PRKN: variants seen among roughly 807,000 people sequenced by gnomAD.
PRKN encodes E3 ubiquitin-protein ligase parkin.
PRKN carries 56 observed loss-of-function variants against 59.5 expected under a neutral mutation model. The ratio of observed to expected loss-of-function variants is 0.94; its 90% confidence interval spans 0.76 to 1.18. The LOEUF is 1.18. PRKN is among the 50% of genes most tolerant of loss of function. PRKN has a pLI of 0.00. For synonymous variants in PRKN, 250 were observed against 222.1 expected, an observed-to-expected ratio of 1.13 and a Z score of -1.12; for missense variants, 657 against 596.4, an observed-to-expected ratio of 1.10 and a Z score of -1.06.
intron 7 of PRKN, among the ~76,000 whole-genome samples, chr6:161,773,577 C>G (rs537304439): frequency 6.6e-6 from 1 of 152,134 alleles, no homozygotes; most frequent in Non-Finnish European, 1.5e-5. Context: ...CTGTTTTGAG[C>G]AACTTTTGTA....
rs1791041345 is a variant in PRKN, at chr6:161,475,885, TA to T, written c.1083+72968del. On this transcript the variant is annotated intron_variant, in intron 9 of 11. Coordinates refer to ENST00000366898, the MANE Select transcript of PRKN (RefSeq NM_004562.3). This position sits in a 1 kb window ranked among gnomAD's most constrained non-coding sequence, Gnocchi z 5.3. ...TTCAATCTTATATATTTTATATATTTAAAAATATTATTCAAGATAGGCTGGT... is the reference window on the plus strand; with the variant it reads ...TTCAATCTTATATATTTTATATATTTAAAATATTATTCAAGATAGGCTGGT... 6.6e-6 allele frequency among the ~76,000 whole-genome samples: 1 copy of T among 152,010 alleles called. No homozygotes were observed. The highest frequency in any genetic ancestry group is 1.5e-5 in the Non-Finnish European group (1 of 68,026).
intron 7 of PRKN, among the ~76,000 whole-genome samples, chr6:161,665,480 C>T (rs1226866657): frequency 6.6e-6 from 1 of 152,158 alleles, no homozygotes; most frequent in Admixed American, 6.5e-5. Flanking sequence ...ACATCTTCTA[C>T]CCCTACAAAT....
chr6:161,670,666 A>T (rs1784875236), intron 7 of PRKN, among the ~76,000 whole-genome samples: 1 of 152,118 alleles, frequency 6.6e-6, no homozygotes, highest in South Asian at 2.1e-4. Context: ...AATACAAAAA[A>T]TTAGCCGGGC....
chr6:162,580,006 A>G (rs1426167561), intron 1 of PRKN, among the ~76,000 whole-genome samples: 3 of 152,142 alleles, frequency 2.0e-5, no homozygotes, highest in Admixed American at 1.3e-4. Context: ...ATTATTTTAG[A>G]TTATTTTCTC....
chr6:162,054,060 A>G (rs1777757620), intron 5 of PRKN, 31 bp downstream of exon 5: 4 of 1,356,614 alleles, frequency 2.9e-6, no homozygotes, highest in Non-Finnish European at 4.2e-6. Flanking sequence ...TTTTCTTGCA[A>G]TAAGAGGAAT....
intron 1 of PRKN, among the ~76,000 whole-genome samples, chr6:162,545,262 T>C (rs1478898787): frequency 3.9e-5 from 6 of 151,986 alleles, no homozygotes; most frequent in Non-Finnish European, 7.4e-5. Context: ...CACTCCAGCC[T>C]GGGCAACAGA....
chr6:162,449,723 A>G (rs910119427), intron 1 of PRKN, among the ~76,000 whole-genome samples: 2 of 152,148 alleles, frequency 1.3e-5, no homozygotes, highest in Non-Finnish European at 2.9e-5. Context: ...GCCTCATTTC[A>G]TCTCCCCACT....
In PRKN at chr6:162,222,211, G is replaced by C. The variant is rs1283858260; in HGVS notation, c.413-20959C>G. 2.6e-5 allele frequency among the ~76,000 whole-genome samples: 4 copies of C among 152,216 alleles called. No homozygotes were observed. The South Asian group carries it at 8.3e-4, about 32-fold the overall frequency. On this transcript the variant is annotated intron_variant, in intron 3 of 11. Coordinates refer to ENST00000366898, the MANE Select transcript of PRKN (RefSeq NM_004562.3). ...GAGTGCAGGTGGCACCTGTAAAAATGATCAGATATCCTCCTATTAGGAGGT... is the reference window on the plus strand; with the variant it reads ...GAGTGCAGGTGGCACCTGTAAAAATCATCAGATATCCTCCTATTAGGAGGT...
At chr6:161,775,391 C>T (rs1260122289) in intron 7 of PRKN, among the ~76,000 whole-genome samples, 1 of 151,726 alleles carries the variant, frequency 6.6e-6, no homozygotes, top group Non-Finnish European at 1.5e-5. Flanking sequence ...TGTAGATATG[C>T]CCCAACACAC....
intron 9 of PRKN, among the ~76,000 whole-genome samples, chr6:161,430,924 T>G (rs1445520803): frequency 6.7e-6 from 1 of 149,822 alleles, no homozygotes; most frequent in Non-Finnish European, 1.5e-5. Context: ...TCACCTGAGG[T>G]CAGAAGTTCG....
intron 8 of PRKN, among the ~76,000 whole-genome samples, chr6:161,565,446 C>G (rs189810872): frequency 9.9e-4 from 151 of 152,184 alleles, no homozygotes; most frequent in Middle Eastern, 3.4e-3. Flanking sequence ...ACGTCAAGGG[C>G]GGGACCAAGG....
In PRKN at chr6:161,357,361, A is replaced by T. The variant is rs940996929; in HGVS notation, c.1285+2727T>A. Among the ~76,000 whole-genome samples the T allele has an allele frequency of 3.3e-5, 5 of 151,942 alleles. No individual in the cohort carries two copies. Among genetic ancestry groups the T allele is most frequent in the Non-Finnish European group, 7.4e-5 (5 of 67,984 alleles). ...GCCACCACTCCCAGCCTCGCTGACCACTTCTTATCTTGCAAACTGCCACCA... is the reference window on the plus strand; with the variant it reads ...GCCACCACTCCCAGCCTCGCTGACCTCTTCTTATCTTGCAAACTGCCACCA... On this transcript the variant is annotated intron_variant, in intron 11 of 11. Coordinates refer to ENST00000366898, the MANE Select transcript of PRKN (RefSeq NM_004562.3). This position sits in a 1 kb window ranked among gnomAD's most constrained non-coding sequence, Gnocchi z 5.5.
intron 7 of PRKN, among the ~76,000 whole-genome samples, chr6:161,704,523 G>A (rs888924319): frequency 4.6e-5 from 7 of 152,016 alleles, no homozygotes; most frequent in Admixed American, 6.5e-5. Flanking sequence ...GATTCGTTTC[G>A]TGCCCTTTTT....
intron 2 of PRKN, among the ~76,000 whole-genome samples, chr6:162,407,934 T>A (rs865848906): frequency 6.6e-6 from 1 of 151,900 alleles, no homozygotes; most frequent in Non-Finnish European, 1.5e-5. Flanking sequence ...AAGTTTGGGT[T>A]CCTAATTTAA....
At chr6:161,816,636 G>C (rs1791794408) in intron 6 of PRKN, among the ~76,000 whole-genome samples, 1 of 151,708 alleles carries the variant, frequency 6.6e-6, no homozygotes, top group South Asian at 2.1e-4. Context: ...GCCACAAGAA[G>C]AATGTGTTCA....
At chr6:162,593,326 T>C (rs969093961) in intron 1 of PRKN, among the ~76,000 whole-genome samples, 4 of 152,192 alleles carry the variant, frequency 2.6e-5, no homozygotes, top group African/African-American at 9.6e-5. Flanking sequence ...ACTGATCATA[T>C]GCAACTGGAT....
At chr6:162,158,081 G>A (rs552625196) in intron 4 of PRKN, among the ~76,000 whole-genome samples, 25 of 151,992 alleles carry the variant, frequency 1.6e-4, no homozygotes, top group Admixed American at 8.5e-4. Flanking sequence ...GTCAGGGTGC[G>A]ATAAGTTTTT....
At chr6:161,583,362 T>G (rs964741092) in intron 7 of PRKN, among the ~76,000 whole-genome samples, 1 of 152,136 alleles carries the variant, frequency 6.6e-6, no homozygotes, top group East Asian at 1.9e-4. Flanking sequence ...TAAAGAAAAT[T>G]CAGTTACATA....
chr6:162,287,992 C>T (rs1291927220), intron 2 of PRKN, among the ~76,000 whole-genome samples: 13 of 152,158 alleles, frequency 8.5e-5, no homozygotes, highest in Admixed American at 8.5e-4. Context: ...TTTCCCACTG[C>T]ATTTCCCAGG....
Sources: gnomAD v4.1 joint callset for allele counts (sites outside exome capture counted in the v4.1 genomes callset) on GRCh38, gnomAD v4.1.1 for gene constraint, Gnocchi (gnomAD v3.1) non-coding constraint, MANE v1.5 for transcripts, NCBI Gene and HGNC (gene_info 2026-07-23, HGNC 2026-07-21) for gene names.